Variants in RAB31 observed in about 807,000 individuals in gnomAD.
The protein encoded by RAB31 is RAB31, member RAS oncogene family, also known as ras-related protein Rab-31.
RAB31 carries 21 observed loss-of-function variants against 25.6 expected under a neutral mutation model. That is an observed-to-expected ratio of 0.82 (90% confidence interval 0.58 to 1.18). The LOEUF (loss-of-function observed/expected upper bound fraction) is 1.18, where lower values mean the gene tolerates loss of function less well. RAB31 is among the 50% of genes most tolerant of loss of function. RAB31 has a pLI of 0.00. For missense variants in RAB31, 196 were observed against 250.1 expected (o/e 0.78, Z 1.46); for synonymous variants, 87 against 84.0 (o/e 1.04, Z -0.20).
intron 1 of RAB31, among the ~76,000 whole-genome samples, chr18:9,713,337 C>A (rs1047945179): frequency 6.6e-6 from 1 of 152,112 alleles, no homozygotes; most frequent in Non-Finnish European, 1.5e-5. Flanking sequence ...GAGTGGCTAG[C>A]CACAGCATTT....
chr18:9,741,325 C>T (rs943400659), intron 1 of RAB31, among the ~76,000 whole-genome samples: 5 of 134,776 alleles, frequency 3.7e-5, no homozygotes, highest in East Asian at 2.1e-4. Flanking sequence ...TGCAGTGAGC[C>T]GAGATAACGC....
chr18:9,760,803 C>A (rs1387635440), intron 1 of RAB31, among the ~76,000 whole-genome samples: 1 of 152,122 alleles, frequency 6.6e-6, no homozygotes. Flanking sequence ...CTGAAACAGC[C>A]CCATCCTGGT....
chr18:9,832,053 G>A (rs1379071508), intron 5 of RAB31, among the ~76,000 whole-genome samples: 1 of 152,222 alleles, frequency 6.6e-6, no homozygotes, highest in Admixed American at 6.5e-5. Context: ...TGGGACTAGT[G>A]CCAGTGACTC....
intron 3 of RAB31, among the ~76,000 whole-genome samples, chr18:9,805,117 G>A (rs186997456): frequency 6.5e-4 from 98 of 151,800 alleles, no homozygotes; most frequent in Non-Finnish European, 7.8e-4. Flanking sequence ...TTAGCCAGGT[G>A]TGGTGACATG....
intron 5 of RAB31, among the ~76,000 whole-genome samples, chr18:9,822,378 AT>A (rs1463324327): frequency 5.9e-5 from 9 of 152,202 alleles, no homozygotes; most frequent in African/African-American, 2.2e-4. Context: ...AAGAAAATAA[AT>A]TTAAAGATCT....
At chr18:9,739,341 G>A (rs545808118) in intron 1 of RAB31, among the ~76,000 whole-genome samples, 34 of 152,176 alleles carry the variant, frequency 2.2e-4, no homozygotes, top group African/African-American at 6.5e-4. Flanking sequence ...GTGTGGTGGC[G>A]AGCACCTGTA....
chr18:9,739,917 C>T (rs1290722138), intron 1 of RAB31, among the ~76,000 whole-genome samples: 1 of 152,238 alleles, frequency 6.6e-6, no homozygotes, highest in African/African-American at 2.4e-5. Flanking sequence ...ATCACAGAGC[C>T]CCAGCAGTTT....
intron 1 of RAB31, chr18:9,774,859 C>T (rs748852947): frequency 1.9e-6 from 1 of 519,206 alleles, no homozygotes; most frequent in South Asian, 1.4e-5. Flanking sequence ...AGGGTGATGC[C>T]TAGAGAAACA....
intron 1 of RAB31, among the ~76,000 whole-genome samples, chr18:9,752,180 A>G (rs2068238489): frequency 1.3e-5 from 2 of 152,098 alleles, no homozygotes; most frequent in Admixed American, 1.3e-4. Flanking sequence ...CCGTGCTTGC[A>G]TTGACTGATT....
chr18:9,851,581 G>A (rs555531307), intron 6 of RAB31, among the ~76,000 whole-genome samples: 1 of 152,138 alleles, frequency 6.6e-6, no homozygotes, highest in African/African-American at 2.4e-5. Context: ...GGCAGGCTCC[G>A]GGGCACATGC....
chr18:9,721,376 G>A (rs1031245930), intron 1 of RAB31, among the ~76,000 whole-genome samples: 4 of 152,110 alleles, frequency 2.6e-5, no homozygotes, highest in Non-Finnish European at 5.9e-5. Flanking sequence ...CACTTCGGGA[G>A]GCCAAGGCAG....
In RAB31 at chr18:9,828,341, G is replaced by A. The variant is rs180671367; in HGVS notation, c.380+13119G>A. On this transcript the variant is annotated intron_variant, in intron 5 of 6. Coordinates refer to ENST00000578921, the MANE Select transcript of RAB31 (RefSeq NM_006868.4). ...TCTTCTGAGCCTGTTGTGGCCCCAGGCTCCTCCTTAATGCAATGCCTCGGG... is the reference window on the plus strand; with the variant it reads ...TCTTCTGAGCCTGTTGTGGCCCCAGACTCCTCCTTAATGCAATGCCTCGGG... 8.9e-3 allele frequency among the ~76,000 whole-genome samples: 1,355 copies of A among 152,222 alleles called. 7 individuals carry two copies. The highest frequency in any genetic ancestry group is 0.013 in the Non-Finnish European group (914 of 68,010).
At chr18:9,838,697 T>C (rs1300054918) in intron 5 of RAB31, among the ~76,000 whole-genome samples, 2 of 152,228 alleles carry the variant, frequency 1.3e-5, no homozygotes, top group African/African-American at 4.8e-5. Context: ...TGTTGTTTCC[T>C]GATCCCCTCC....
intron 5 of RAB31, among the ~76,000 whole-genome samples, chr18:9,826,992 G>A (rs1324991502): frequency 1.3e-5 from 2 of 152,022 alleles, no homozygotes; most frequent in African/African-American, 4.8e-5. Flanking sequence ...TCATTCCTTG[G>A]GAGAAATTAC....
intron 6 of RAB31, among the ~76,000 whole-genome samples, chr18:9,848,618 T>A (rs2068773700): frequency 6.6e-6 from 1 of 152,244 alleles, no homozygotes; most frequent in African/African-American, 2.4e-5. Flanking sequence ...CCTACTTACA[T>A]TACATGTGCT....
intron 5 of RAB31, among the ~76,000 whole-genome samples, chr18:9,845,139 A>G (rs944666608): frequency 1.3e-5 from 2 of 152,220 alleles, no homozygotes; most frequent in African/African-American, 2.4e-5. Flanking sequence ...GTCACAGCAC[A>G]TTGCATATTT....
chr18:9,805,832 A>G (rs1434503374), intron 3 of RAB31, among the ~76,000 whole-genome samples: 3 of 152,228 alleles, frequency 2.0e-5, no homozygotes, highest in Non-Finnish European at 2.9e-5. Flanking sequence ...TGGAAAATGC[A>G]TGGAATTTGG....
At chr18:9,857,933 G>A (rs545740231) in intron 6 of RAB31, among the ~76,000 whole-genome samples, 1 of 152,220 alleles carries the variant, frequency 6.6e-6, no homozygotes, top group South Asian at 2.1e-4. Context: ...AGAAGGTTGA[G>A]GTGGGAGGAT....
intron 3 of RAB31, among the ~76,000 whole-genome samples, chr18:9,810,816 C>A (rs555738117): frequency 2.0e-5 from 3 of 152,078 alleles, no homozygotes; most frequent in African/African-American, 7.2e-5. Flanking sequence ...GTATTGACTG[C>A]TACTTTGTGC....
Sources: allele counts gnomAD v4.1 joint callset (sites outside exome capture counted in the v4.1 genomes callset), GRCh38; gene constraint gnomAD v4.1.1; transcripts MANE v1.5; gene names NCBI Gene and HGNC (gene_info 2026-07-23, HGNC 2026-07-21).